Variants in GPATCH1 observed in about 807,000 individuals in gnomAD.
The protein encoded by GPATCH1 is G patch domain-containing protein 1.
A neutral mutation model predicts 114.9 loss-of-function variants in GPATCH1; 73 were observed. The ratio of observed to expected loss-of-function variants is 0.64; its 90% confidence interval spans 0.53 to 0.77. The LOEUF (loss-of-function observed/expected upper bound fraction) is 0.77, where lower values mean the gene tolerates loss of function less well. GPATCH1 is among the 30% of genes least tolerant of loss of function. The pLI is 0.00. For synonymous variants in GPATCH1, 391 were observed against 428.4 expected (o/e 0.91, Z 1.08); for missense variants, 1,058 against 1,144.3 (o/e 0.92, Z 1.09).
At chr19:33,091,782 C>T (rs532646114) in intron 3 of GPATCH1, among the ~76,000 whole-genome samples, 132 of 152,224 alleles carry the variant, frequency 8.7e-4, no homozygotes, top group African/African-American at 3.0e-3. Context: ...TTAAATAAAA[C>T]ATTTATATCA....
At chr19:33,125,530 G>A (rs890116177) in intron 18 of GPATCH1, among the ~76,000 whole-genome samples, 4 of 151,630 alleles carry the variant, frequency 2.6e-5, no homozygotes, top group Admixed American at 2.0e-4. Flanking sequence ...GACCACAGGT[G>A]TGCACCACCA....
Position 33,096,568 on chromosome 19 carries a change from A to G in GPATCH1, c.852+122A>G, listed in dbSNP as rs1392682660. On this transcript the variant is annotated intron_variant, in intron 7 of 19. Coordinates refer to ENST00000170564, the MANE Select transcript of GPATCH1 (RefSeq NM_018025.3). ...TTCCCCCTAATCCTCAAGTGGAATCAGGTCAAAGATTCTTTCTTAAAATGC... is the reference window on the plus strand; with the variant it reads ...TTCCCCCTAATCCTCAAGTGGAATCGGGTCAAAGATTCTTTCTTAAAATGC... 1.2e-5 allele frequency: 9 copies of G among 754,746 alleles called. 1 individual carries two copies. Among genetic ancestry groups the G allele is most frequent in the Non-Finnish European group, 1.9e-5 (9 of 475,482 alleles). The allele number at this position is 754,746 out of a possible 1,614,324, so 46.8% of individuals were successfully genotyped here. A position where few individuals can be genotyped will look rare whatever the true frequency, so the allele number is the denominator to read the frequency against.
At chr19:33,082,217 A>C (rs1261898164) in intron 1 of GPATCH1, among the ~76,000 whole-genome samples, 1 of 152,168 alleles carries the variant, frequency 6.6e-6, no homozygotes, top group Non-Finnish European at 1.5e-5. Context: ...GTGAGGGGCA[A>C]GATGAATCAA....
intron 9 of GPATCH1, among the ~76,000 whole-genome samples, chr19:33,105,955 C>G (rs964117393): frequency 6.6e-6 from 1 of 151,982 alleles, no homozygotes; most frequent in African/African-American, 2.4e-5. Flanking sequence ...TTACGCGACT[C>G]TCCTGCCTCA....
chr19:33,124,716 G>A (rs1370954255), intron 17 of GPATCH1, among the ~76,000 whole-genome samples: 1 of 152,296 alleles, frequency 6.6e-6, no homozygotes, highest in Non-Finnish European at 1.5e-5. Context: ...GTTAGGCGAC[G>A]TGTCGAAGAT....
chr19:33,081,403 T>TA, intron 1 of GPATCH1, 137 bp downstream of exon 1: 1 of 757,230 alleles, frequency 1.3e-6, no homozygotes. Flanking sequence ...AGGGAGGCGT[T>TA]AGCCGCGCTC....
chr19:33,111,649 G>A, intron 11 of GPATCH1, 75 bp from the exon 12 acceptor site: 9 of 1,304,724 alleles, frequency 6.9e-6, no homozygotes, highest in Non-Finnish European at 8.7e-6. Flanking sequence ...ATACAGTGGT[G>A]CCCAGCAGAT....
At chr19:33,130,087 T>TCC (rs35506888) in intron 19 of GPATCH1, 43 bp from the exon 20 acceptor site, 649,421 of 1,554,716 alleles carry the variant, frequency 0.42, 156,722 homozygotes, top group African/African-American at 0.89. Flanking sequence ...GTTTTTCACT[T>TCC]TAGCTAACTT....
intron 7 of GPATCH1, 102 bp from the exon 8 acceptor site, chr19:33,097,653 G>T (rs1972677272): frequency 1.9e-6 from 2 of 1,055,032 alleles, no homozygotes; most frequent in Admixed American, 4.0e-5. Context: ...ATCTTGAAGT[G>T]CTAACATGGT....
chr19:33,124,842 C>G (rs954962837), intron 17 of GPATCH1, among the ~76,000 whole-genome samples: 1 of 152,130 alleles, frequency 6.6e-6, no homozygotes, highest in South Asian at 2.1e-4. Context: ...CTGCATCTGG[C>G]AGCTGGGGTC....
chr19:33,088,802 G>T (rs929595313), intron 2 of GPATCH1, among the ~76,000 whole-genome samples: 3 of 151,830 alleles, frequency 2.0e-5, no homozygotes, highest in African/African-American at 4.8e-5. Context: ...AATTACAGGC[G>T]CCTGCCACCA....
rs778675053 is a variant in GPATCH1 at position 33,088,170 on chromosome 19, A to G, written c.110A>G (p.Gln37Arg). 3.1e-6 allele frequency: 5 copies of G among 1,589,984 alleles called. No homozygotes were observed. The highest frequency in any genetic ancestry group is 1.1e-5 in the South Asian group (1 of 87,898). The change falls in exon 2 of 20, where the codon CAG (glutamine) becomes CGG (arginine). Residue 37 changes from glutamine (Q) to arginine (R), a missense_variant. By Grantham distance (43) the Gln-to-Arg change is conservative (BLOSUM62 1). Coordinates refer to ENST00000170564, the MANE Select transcript of GPATCH1 (RefSeq NM_018025.3). ...RPKKPIPLQD[Q>R]TVRDEKGRYK... Reference sequence around the variant, plus strand: ...AAGAAACCAATCCCTCTTCAGGATCAGACTGTCAGAGATGAAAAAGGAAGG... The same window carrying G: ...AAGAAACCAATCCCTCTTCAGGATCGGACTGTCAGAGATGAAAAAGGAAGG...
intron 1 of GPATCH1, among the ~76,000 whole-genome samples, chr19:33,083,110 G>T (rs1429560443): frequency 2.0e-5 from 3 of 151,410 alleles, no homozygotes; most frequent in African/African-American, 7.3e-5. Context: ...GCGTGGTGGG[G>T]GGGGGCTCAT....
At position 33,118,060 on chromosome 19, in the gene GPATCH1, C is replaced by A; in HGVS notation, c.2413+19C>A. On this transcript the variant is annotated intron_variant, in intron 16 of 19. Transcript: ENST00000170564. Reference sequence around the variant, plus strand: ...GCTCACGGTATGTCAGTATTTCAGACTCGGGGATCTAAAGGAGAAGACAAT... The same window carrying A: ...GCTCACGGTATGTCAGTATTTCAGAATCGGGGATCTAAAGGAGAAGACAAT... 1 of 1,545,094 alleles carries A rather than the reference C, an allele frequency of 6.5e-7. No individual in the cohort carries two copies. The highest frequency in any genetic ancestry group is 8.9e-7 in the Non-Finnish European group (1 of 1,117,470).
Position 33,112,620 on chromosome 19 carries a change from T to C in GPATCH1, c.1892+7T>C. 6.2e-7 allele frequency: 1 copy of C among 1,612,188 alleles called. No individual in the cohort carries two copies. The highest frequency in any genetic ancestry group is 8.5e-7 in the Non-Finnish European group (1 of 1,178,466). On this transcript the variant is annotated splice_region_variant and intron_variant, in intron 13 of 19. Transcript: ENST00000170564. Reference sequence around the variant, plus strand: ...TCCCTGACCCTTATCCAGAGTAAGTTGGATAAACCTTTACATCAGTACAAA... The same window carrying C: ...TCCCTGACCCTTATCCAGAGTAAGTCGGATAAACCTTTACATCAGTACAAA...
intron 17 of GPATCH1, 81 bp from the exon 18 acceptor site, chr19:33,125,024 T>G (rs1406042261): frequency 1.5e-5 from 22 of 1,450,436 alleles, no homozygotes; most frequent in South Asian, 2.6e-5. Context: ...GATGCCTGAT[T>G]CAGCAGTTTA....
intron 13 of GPATCH1, 191 bp from the exon 14 acceptor site, chr19:33,113,576 T>C (rs1599862650): frequency 3.7e-6 from 2 of 538,400 alleles, no homozygotes; most frequent in East Asian, 3.1e-5. Flanking sequence ...CTTGTCCTTA[T>C]CATAATAAGG....
At chr19:33,124,021 T>G (rs1412738410) in intron 17 of GPATCH1, among the ~76,000 whole-genome samples, 1 of 151,938 alleles carries the variant, frequency 6.6e-6, no homozygotes, top group African/African-American at 2.4e-5. Context: ...GCCCATCTAA[T>G]TTTTGCATTT....
intron 19 of GPATCH1, among the ~76,000 whole-genome samples, chr19:33,127,672 C>T (rs1973058406): frequency 6.6e-6 from 1 of 152,146 alleles, no homozygotes; most frequent in African/African-American, 2.4e-5. Flanking sequence ...CAACCACACA[C>T]ACACACATAC....
Sources: gnomAD v4.1 joint callset for allele counts (sites outside exome capture counted in the v4.1 genomes callset) on GRCh38, gnomAD v4.1.1 for gene constraint, MANE v1.5 for transcripts, NCBI Gene and HGNC (gene_info 2026-07-23, HGNC 2026-07-21) for gene names.